Variants in MSANTD4 observed in about 807,000 individuals in gnomAD.
MSANTD4 encodes myb/SANT-like DNA-binding domain-containing protein 4.
A neutral mutation model predicts 34.3 loss-of-function variants in MSANTD4; 13 were observed. The ratio of observed to expected loss-of-function variants is 0.38; its 90% CI spans 0.25 to 0.60. The LOEUF (loss-of-function observed/expected upper bound fraction) is 0.60, where lower values mean the gene tolerates loss of function less well. Ranked by LOEUF, MSANTD4 falls within the 20% of genes least tolerant of loss-of-function variation. MSANTD4 has a pLI of 0.63. For missense variants in MSANTD4, 358 were observed against 401.8 expected (o/e 0.89, Z 0.93); for synonymous variants, 137 against 145.2 (o/e 0.94, Z 0.41).
chr11:106,014,125 A>AT (rs1029882091), intron 1 of MSANTD4, among the ~76,000 whole-genome samples: 5 of 152,166 alleles, frequency 3.3e-5, no homozygotes, highest in African/African-American at 9.7e-5. Flanking sequence ...AACTTGGGCT[A>AT]TTTTTTTGGT....
Position 106,008,931 on chromosome 11 carries a change from T to C in MSANTD4, c.*604A>G, listed in dbSNP as rs1859601274. On this transcript the variant is annotated 3_prime_UTR_variant, in exon 3 of 3. Coordinates refer to ENST00000301919, the MANE Select transcript of MSANTD4 (RefSeq NM_032424.3). ...TTCCTATATTCAATATACTACACAGTAACATTTCATAGTTAAAGTTTTTGG... is the reference window on the plus strand; with the variant it reads ...TTCCTATATTCAATATACTACACAGCAACATTTCATAGTTAAAGTTTTTGG... 1 of 152,242 alleles carries C rather than the reference T, an allele frequency of 6.6e-6. No individual in the cohort carries two copies. The highest frequency in any genetic ancestry group is 6.5e-5 in the Admixed American group (1 of 15,284). The allele number at this position is 152,242 out of a possible 1,614,324, so 9.4% of individuals were successfully genotyped here. A position where few individuals can be genotyped will look rare whatever the true frequency, so the allele number is the denominator to read the frequency against.
rs754651579 is a variant in MSANTD4 at position 106,010,729 on chromosome 11, C to G, written c.189G>C (p.Gln63His). 1 of 1,614,200 alleles carries G rather than the reference C, an allele frequency of 6.2e-7. No homozygotes were observed. The highest frequency in any genetic ancestry group is 1.7e-5 in the Admixed American group (1 of 60,022). ...TTCTTTTCACCTCTGTCCCTGTCCT[C>G]TGTTCTCCTTCTCCTACAGCATTCA... ...QCVNAVGEGE[Q>H]RTGTEVKRRY... Residue 63 changes from glutamine to histidine, a missense_variant, in exon 2 of 3, where the codon CAG (glutamine) becomes CAC (histidine). Around this residue, in one of 2 missense-constraint regions of MSANTD4, gnomAD observed 46 missense variants for 84.3 expected, o/e 0.55. Coordinates refer to ENST00000301919, the MANE Select transcript of MSANTD4 (RefSeq NM_032424.3).
At position 106,008,513 on chromosome 11, in the gene MSANTD4, G is replaced by A. The variant is rs558449515; in HGVS notation, c.*1022C>T. The A allele has an allele frequency of 9.9e-5, 15 of 152,124 alleles. No homozygotes were observed. The highest frequency in any genetic ancestry group is 2.4e-4 in the African/African-American group (10 of 41,488). 9.4% of individuals were successfully genotyped at this position (152,124 alleles called of 1,614,324 possible). ...TTTCAACATCATTATTATTTGATAC[G>A]GAGTACATCTTCCCCACCTACCCCC... On this transcript the variant is annotated 3_prime_UTR_variant, in exon 3 of 3. Coordinates refer to ENST00000301919, the MANE Select transcript of MSANTD4 (RefSeq NM_032424.3).
chr11:106,010,554 T>C lies in MSANTD4; in HGVS notation c.364A>G (p.Asn122Asp), dbSNP rs138206135. The change falls in exon 2 of 3, where the codon AAT becomes GAT. Residue 122 changes from asparagine (N) to aspartate (D), a missense_variant. By Grantham distance (23) the Asn-to-Asp change is conservative. Around this residue, in one of 2 missense-constraint regions of MSANTD4, gnomAD observed 312 missense variants for 317.6 expected, o/e 0.98. Coordinates refer to ENST00000301919, the MANE Select transcript of MSANTD4 (RefSeq NM_032424.3). ...DEKIGFRNDA[N>D]FDWQNVADFR... ...TCTGCCACATTTTGCCAGTCAAAAT[T>C]TGCATCATTTCGGAATCCAATCTTT... The C allele has an allele frequency of 9.7e-5, 157 of 1,614,058 alleles. No homozygotes were observed. Among genetic ancestry groups the C allele is most frequent in the Non-Finnish European group, 1.2e-4 (138 of 1,180,032 alleles).
rs188001301 is a variant in MSANTD4, at chr11:106,009,166, G to C, written c.*369C>G. On this transcript the variant is annotated 3_prime_UTR_variant, in exon 3 of 3. Transcript: ENST00000301919. The stretch of plus-strand genomic sequence containing the variant: ...GCAACCTTTTCCCCACCCCAGTTTT[G>C]ACAACCCAACATGTCTCCAGACATC... 6.3e-3 allele frequency: 1,097 copies of C among 174,366 alleles called. 5 individuals carry two copies. Among genetic ancestry groups the C allele is most frequent in the Admixed American group, 8.6e-3 (153 of 17,828 alleles). The allele number at this position is 174,366 out of a possible 1,614,324, so 10.8% of individuals were successfully genotyped here. A position where few individuals can be genotyped will look rare whatever the true frequency, so the allele number is the denominator to read the frequency against.
In MSANTD4 at chr11:106,009,868, G is replaced by A. The variant is rs539432553; in HGVS notation, c.705C>T (p.Ile235=). The change falls in exon 3 of 3, where the codon ATC becomes ATT. Residue 235 remains isoleucine, a synonymous_variant. Coordinates refer to ENST00000301919, the MANE Select transcript of MSANTD4 (RefSeq NM_032424.3). ...RLQVEKERLQ[I]EKERLRHLDM... is the part of the protein sequence containing the mutation. ...CTAAATGCCGCAGCCTCTCTTTCTC[G>A]ATTTGTAGGCGTTCCTTTTCTACCT... 9 of 1,613,590 alleles carry A rather than the reference G, an allele frequency of 5.6e-6. No individual in the cohort carries two copies. The Admixed American group carries it at 6.7e-5, about 12-fold the overall frequency.
chr11:106,017,753 A>G (rs1396501065), intron 1 of MSANTD4, among the ~76,000 whole-genome samples: 1 of 152,262 alleles, frequency 6.6e-6, no homozygotes, highest in Non-Finnish European at 1.5e-5. Flanking sequence ...ATTTAAGAGA[A>G]TTTACTGAAA....
chr11:106,010,319 G>A (rs1591517897), intron 2 of MSANTD4, 137 bp downstream of exon 2: 1 of 1,377,906 alleles, frequency 7.3e-7, no homozygotes, highest in Non-Finnish European at 9.6e-7. Context: ...ACGATGTAAA[G>A]AGAAAAGCAG....
Position 106,010,124 on chromosome 11 carries a change from G to T in MSANTD4, c.463-14C>A. On this transcript the variant is annotated splice_polypyrimidine_tract_variant and intron_variant, in intron 2 of 2. Transcript: ENST00000301919. ...CTCAATTTCAAACTAAGAGCAAAGA[G>T]AAAAGCAATTTTCAGTATTGACTTC... 6.5e-7 allele frequency: 1 copy of T among 1,538,252 alleles called. No homozygotes were observed. The highest frequency in any genetic ancestry group is 1.2e-5 in the South Asian group (1 of 81,328).
rs1322925829 is a variant in MSANTD4, at chr11:106,010,003, G to C, written c.570C>G (p.Asn190Lys). 2 of 1,607,176 alleles carry C rather than the reference G, an allele frequency of 1.2e-6. No individual in the cohort carries two copies. Among genetic ancestry groups the C allele is most frequent in the Non-Finnish European group, 1.7e-6 (2 of 1,179,940 alleles). ...FPHIDEFFTL[N>K]STPSRSAYDE... ...CATATGCAGATCTAGATGGTGTTGAGTTAAGGGTAAAAAACTCATCAATGT... is the reference window on the plus strand; with the variant it reads ...CATATGCAGATCTAGATGGTGTTGACTTAAGGGTAAAAAACTCATCAATGT... The change falls in exon 3 of 3, where the codon AAC (asparagine) becomes AAG (lysine). Residue 190 changes from asparagine (N) to lysine (K), a missense_variant. By Grantham distance (94) the Asn-to-Lys change is moderately conservative. Around this residue, in one of 2 missense-constraint regions of MSANTD4, gnomAD observed 312 missense variants for 317.6 expected, o/e 0.98. Coordinates refer to ENST00000301919, the MANE Select transcript of MSANTD4 (RefSeq NM_032424.3).
At chr11:106,017,648 T>C (rs1859890731) in intron 1 of MSANTD4, among the ~76,000 whole-genome samples, 1 of 152,188 alleles carries the variant, frequency 6.6e-6, no homozygotes, top group Non-Finnish European at 1.5e-5. Flanking sequence ...TATGTAAATA[T>C]TTATGGACAA....
intron 1 of MSANTD4, among the ~76,000 whole-genome samples, chr11:106,015,735 G>A (rs1859825576): frequency 6.6e-6 from 1 of 151,786 alleles, no homozygotes; most frequent in Non-Finnish European, 1.5e-5. Flanking sequence ...TGGGCAGAGA[G>A]CTGCTTTATT....
At chr11:106,018,945 A>G (rs1454318632) in intron 1 of MSANTD4, among the ~76,000 whole-genome samples, 1 of 152,210 alleles carries the variant, frequency 6.6e-6, no homozygotes, top group African/African-American at 2.4e-5. Context: ...AGGAACATGC[A>G]TTATTAGATG....
rs771836364 is a variant in MSANTD4 at position 106,009,353 on chromosome 11, T to C, written c.*182A>G. 42 of 600,350 alleles carry C rather than the reference T, an allele frequency of 7.0e-5. No individual in the cohort carries two copies. Among genetic ancestry groups the C allele is most frequent in the Admixed American group, 2.4e-4 (8 of 32,800 alleles). 37.2% of individuals were successfully genotyped at this position (600,350 alleles called of 1,614,324 possible). A position where few individuals can be genotyped will look rare whatever the true frequency, so the allele number is the denominator to read the frequency against. On this transcript the variant is annotated 3_prime_UTR_variant, in exon 3 of 3. Coordinates refer to ENST00000301919, the MANE Select transcript of MSANTD4 (RefSeq NM_032424.3). Reference sequence around the variant, plus strand: ...AGCACAGTAAGTTTCTGCTATACTGTTTACGCTAGGGCACAGCTTTTATAT... The same window carrying C: ...AGCACAGTAAGTTTCTGCTATACTGCTTACGCTAGGGCACAGCTTTTATAT...
At chr11:106,017,145 T>C (rs968572283) in intron 1 of MSANTD4, among the ~76,000 whole-genome samples, 1 of 152,190 alleles carries the variant, frequency 6.6e-6, no homozygotes, top group Non-Finnish European at 1.5e-5. Flanking sequence ...GCAATAAATG[T>C]CATGTTAGAG....
In MSANTD4 at chr11:106,010,538, T is replaced by C. The variant is rs1164525677; in HGVS notation, c.380A>G (p.Asn127Ser). Residue 127 changes from asparagine (N) to serine (S), a missense_variant, in exon 2 of 3, where the codon AAT (asparagine) becomes AGT (serine). By Grantham distance (46) the Asn-to-Ser change is conservative. Around this residue, in one of 2 missense-constraint regions of MSANTD4, gnomAD observed 312 missense variants for 317.6 expected, o/e 0.98. Coordinates refer to ENST00000301919, the MANE Select transcript of MSANTD4 (RefSeq NM_032424.3). The stretch of plus-strand genomic sequence containing the variant: ...ACCTGCATCCCTGAAATCTGCCACA[T>C]TTTGCCAGTCAAAATTTGCATCATT... ...FRNDANFDWQNVADFRDAGGS... is the reference protein window; with the variant it reads ...FRNDANFDWQSVADFRDAGGS... The C allele has an allele frequency of 6.8e-6, 11 of 1,614,046 alleles. No individual in the cohort carries two copies. The highest frequency in any genetic ancestry group is 9.3e-6 in the Non-Finnish European group (11 of 1,180,026).
intron 1 of MSANTD4, among the ~76,000 whole-genome samples, chr11:106,014,355 T>C (rs1236762089): frequency 6.6e-6 from 1 of 152,204 alleles, no homozygotes; most frequent in Non-Finnish European, 1.5e-5. Context: ...CACTTCTGGT[T>C]TGGAGCTGCC....
intron 1 of MSANTD4, among the ~76,000 whole-genome samples, chr11:106,013,312 C>T (rs1258704793): frequency 6.6e-6 from 1 of 152,144 alleles, no homozygotes; most frequent in East Asian, 1.9e-4. Context: ...CCAGCTCTAT[C>T]ACTGTTTGAC....
In MSANTD4 at chr11:106,022,218, C is replaced by T. The variant is rs1223762974; in HGVS notation, c.-1407G>A. On this transcript the variant is annotated 5_prime_UTR_variant, in exon 1 of 3. Transcript: ENST00000301919. ...ACCTGCGACCCCGGCGGCACCTCCCCACGGTCGCCCCAAGGGGGGTAGGAA... is the reference window on the plus strand; with the variant it reads ...ACCTGCGACCCCGGCGGCACCTCCCTACGGTCGCCCCAAGGGGGGTAGGAA... The T allele has an allele frequency of 6.6e-6, 1 of 152,546 alleles. No individual in the cohort carries two copies. Among genetic ancestry groups the T allele is most frequent in the Non-Finnish European group, 1.5e-5 (1 of 68,298 alleles). The allele number at this position is 152,546 out of a possible 1,614,324, so 9.4% of individuals were successfully genotyped here.
Sources: gnomAD v4.1 joint callset for allele counts (sites outside exome capture counted in the v4.1 genomes callset) on GRCh38, gnomAD v4.1.1 for gene constraint, gnomAD v4.1.1 regional missense constraint, MANE v1.5 for transcripts, NCBI Gene and HGNC (gene_info 2026-07-23, HGNC 2026-07-21) for gene names.